Variants in PLPPR5 observed in about 807,000 individuals in gnomAD.
PLPPR5 encodes phospholipid phosphatase related 5.
A neutral mutation model predicts 33.9 loss-of-function variants in PLPPR5; 16 were observed. That is an observed-to-expected ratio of 0.47 (90% CI 0.32 to 0.72). The LOEUF is 0.72. PLPPR5 is among the 30% of genes least tolerant of loss of function. The pLI, the probability that PLPPR5 is intolerant of heterozygous loss-of-function variation, is 0.03. For missense variants in PLPPR5, 301 were observed against 406.7 expected, an observed-to-expected ratio of 0.74 and a Z score of 2.23; for synonymous variants, 163 against 150.3, an observed-to-expected ratio of 1.08 and a Z score of -0.62.
rs112548482 is a variant in PLPPR5, at chr1:98,914,781, G to A, written c.933+5C>T. ...TTATAATTTAGAATTTAAATTGTGAGTCACCTGTACAGATGTTACCTTTTC... is the reference window on the plus strand; with the variant it reads ...TTATAATTTAGAATTTAAATTGTGAATCACCTGTACAGATGTTACCTTTTC... On this transcript the variant is annotated splice_donor_5th_base_variant and intron_variant, in intron 5 of 5. Coordinates refer to ENST00000263177, the MANE Select transcript of PLPPR5 (RefSeq NM_001037317.2). The A allele has an allele frequency of 3.3e-3, 5,326 of 1,598,030 alleles. 153 individuals are homozygous for A. The African/African-American group carries it at 0.062, about 18-fold the overall frequency.
At chr1:98,971,912 C>T (rs1033617560) in intron 1 of PLPPR5, among the ~76,000 whole-genome samples, 1 of 152,154 alleles carries the variant, frequency 6.6e-6, no homozygotes, top group South Asian at 2.1e-4. Flanking sequence ...AAGGCTCCCC[C>T]CATGGTCTCA....
Position 99,004,677 on chromosome 1 carries a change from C to A in PLPPR5, c.-6G>T. 6.3e-7 allele frequency: 1 copy of A among 1,589,154 alleles called. No homozygotes were observed. On this transcript the variant is annotated 5_prime_UTR_variant, in exon 1 of 6. Transcript: ENST00000263177. ...GCCGCGGGCAGCAGGGGCATGCACG[C>A]CTCCCGGGCCGGGCCGAGCCGAGCC...
At chr1:98,937,724 G>A (rs962704677) in intron 3 of PLPPR5, among the ~76,000 whole-genome samples, 3 of 152,190 alleles carry the variant, frequency 2.0e-5, no homozygotes, top group African/African-American at 2.4e-5. Context: ...ACACCATGGA[G>A]AAGAGAAAAG....
intron 1 of PLPPR5, among the ~76,000 whole-genome samples, chr1:98,988,771 A>C (rs1190836670): frequency 6.6e-6 from 1 of 152,226 alleles, no homozygotes; most frequent in East Asian, 1.9e-4. Flanking sequence ...GCTTCTCTTA[A>C]GTTTTCCTTG....
At chr1:98,948,870 G>A (rs1418342325) in intron 3 of PLPPR5, among the ~76,000 whole-genome samples, 1 of 152,158 alleles carries the variant, frequency 6.6e-6, no homozygotes, top group Non-Finnish European at 1.5e-5. Flanking sequence ...GATTGTTGTT[G>A]TTTTAAGGTC....
chr1:98,965,477 G>A (rs753887720), intron 1 of PLPPR5, among the ~76,000 whole-genome samples: 4 of 152,146 alleles, frequency 2.6e-5, no homozygotes, highest in Non-Finnish European at 5.9e-5. Flanking sequence ...CTGGTATCTA[G>A]CCCTTTTTTT....
intron 5 of PLPPR5, among the ~76,000 whole-genome samples, chr1:98,909,397 G>A (rs995605974): frequency 9.3e-5 from 14 of 150,082 alleles, no homozygotes; most frequent in African/African-American, 2.5e-4. Context: ...ATGGTATTTC[G>A]CATAATTGAT....
chr1:98,960,203 T>C (rs1405798081), intron 1 of PLPPR5, among the ~76,000 whole-genome samples: 2 of 151,804 alleles, frequency 1.3e-5, no homozygotes, highest in Non-Finnish European at 2.9e-5. Flanking sequence ...ATAATAATAA[T>C]AATTATTATT....
intron 3 of PLPPR5, among the ~76,000 whole-genome samples, chr1:98,952,589 A>G (rs1048335842): frequency 5.9e-5 from 9 of 152,216 alleles, no homozygotes; most frequent in Non-Finnish European, 8.8e-5. Context: ...GGTTAGTTCT[A>G]TGAGAAAACG....
At position 98,921,909 on chromosome 1, in the gene PLPPR5, C is replaced by G. The variant is rs201832648; in HGVS notation, c.771G>C (p.Leu257=). 9 of 1,613,198 alleles carry G rather than the reference C, an allele frequency of 5.6e-6. No homozygotes were observed. The East Asian group carries it at 2.0e-4, about 36-fold the overall frequency. ...NHWSDVIAGF[L]VGISIAVFLV... Reference sequence around the variant, plus strand: ...GAAATACTGCTATAGATATTCCAACCAGAAAGCCTGCTATAACATCTGACC... The same window carrying G: ...GAAATACTGCTATAGATATTCCAACGAGAAAGCCTGCTATAACATCTGACC... Residue 257 remains leucine (L), a synonymous_variant, in exon 4 of 6, where the codon CTG becomes CTC. Coordinates refer to ENST00000263177, the MANE Select transcript of PLPPR5 (RefSeq NM_001037317.2).
chr1:98,953,423 GAAA>G (rs1650874858), intron 2 of PLPPR5, 103 bp from the exon 3 acceptor site: 1 of 1,442,576 alleles, frequency 6.9e-7, no homozygotes, highest in Non-Finnish European at 9.2e-7. Context: ...AACCAAAATG[GAAA>G]TATTTTAGAA....
chr1:98,894,768 G>T (rs550362176), intron 5 of PLPPR5, among the ~76,000 whole-genome samples: 1 of 152,114 alleles, frequency 6.6e-6, no homozygotes, highest in East Asian at 1.9e-4. Context: ...TGCTGAAGAT[G>T]ATCTTAAGAG....
At chr1:98,996,680 T>C (rs1652646365) in intron 1 of PLPPR5, among the ~76,000 whole-genome samples, 1 of 152,112 alleles carries the variant, frequency 6.6e-6, no homozygotes, top group Non-Finnish European at 1.5e-5. Flanking sequence ...TCAACCTGTA[T>C]AAATGGGAAT....
chr1:98,896,481 A>G (rs1380792328), intron 5 of PLPPR5, among the ~76,000 whole-genome samples: 1 of 152,148 alleles, frequency 6.6e-6, no homozygotes, highest in African/African-American at 2.4e-5. Context: ...GAAACTGGTC[A>G]TATAATTTTT....
At chr1:98,930,390 T>C (rs1315168636) in intron 3 of PLPPR5, among the ~76,000 whole-genome samples, 1 of 152,194 alleles carries the variant, frequency 6.6e-6, no homozygotes, top group African/African-American at 2.4e-5. Context: ...TGTGATAATC[T>C]ATATGTCTGA....
At chr1:99,005,757 G>A (rs1653067273), upstream of PLPPR5, among the ~76,000 whole-genome samples, 1 of 152,182 alleles carries the variant, frequency 6.6e-6, no homozygotes, top group East Asian at 1.9e-4. Flanking sequence ...AGGAGAGGGA[G>A]ACCAATGCTG....
chr1:98,973,501 T>C (rs1399310745), intron 1 of PLPPR5, among the ~76,000 whole-genome samples: 3 of 151,830 alleles, frequency 2.0e-5, no homozygotes, highest in African/African-American at 7.3e-5. Flanking sequence ...GAGTGGACAC[T>C]GGGAATAAGA....
At chr1:98,893,156 T>C (rs1211479714) in intron 5 of PLPPR5, 52 bp from the exon 6 acceptor site, 1 of 1,526,202 alleles carries the variant, frequency 6.6e-7, no homozygotes, top group African/African-American at 1.4e-5. Context: ...ACATTAGCTT[T>C]GTAAAATATG....
intron 5 of PLPPR5, among the ~76,000 whole-genome samples, chr1:98,904,922 G>T (rs1648841088): frequency 6.6e-6 from 1 of 152,186 alleles, no homozygotes; most frequent in African/African-American, 2.4e-5. Flanking sequence ...AAATCATGAG[G>T]TGAGATAAGT....
Sources: gnomAD v4.1 joint callset for allele counts (sites outside exome capture counted in the v4.1 genomes callset) on GRCh38, gnomAD v4.1.1 for gene constraint, MANE v1.5 for transcripts, NCBI Gene and HGNC (gene_info 2026-07-23, HGNC 2026-07-21) for gene names.